The following CWC27 variants were observed in gnomAD, a reference collection of about 807,000 sequenced individuals.
CWC27 encodes spliceosome-associated protein CWC27 homolog.
CWC27 carries 47 observed loss-of-function variants against 63.6 expected under a neutral mutation model. The observed-to-expected ratio is 0.74, with a 90% CI of 0.58 to 0.94. The LOEUF (loss-of-function observed/expected upper bound fraction) is 0.94. Ranked by LOEUF, CWC27 falls within the 40% of genes least tolerant of loss-of-function variation. The probability of loss-of-function intolerance (pLI) is 0.00; values close to 1 mark genes in which losing one functional copy is unlikely to be tolerated. For synonymous variants in CWC27, 175 were observed against 179.8 expected, an observed-to-expected ratio of 0.97 and a Z score of 0.22; for missense variants, 495 against 554.3, an observed-to-expected ratio of 0.89 and a Z score of 1.07.
At chr5:65,014,601 T>C (rs1750018784) in intron 13 of CWC27, among the ~76,000 whole-genome samples, 2 of 152,096 alleles carry the variant, frequency 1.3e-5, no homozygotes, top group African/African-American at 2.4e-5. Flanking sequence ...GTGGATAGTA[T>C]TGAGTTATTG....
At chr5:64,856,409 G>T (rs935596612) in intron 10 of CWC27, among the ~76,000 whole-genome samples, 5 of 151,636 alleles carry the variant, frequency 3.3e-5, no homozygotes, top group Non-Finnish European at 5.9e-5. Flanking sequence ...TTTATATTTT[G>T]AGAGTTGTTA....
rs983490558 is a variant in CWC27, at chr5:64,999,367, C to G, written c.1257-18792C>G. Among the ~76,000 whole-genome samples the G allele has an allele frequency of 8.5e-5, 13 of 152,156 alleles. 1 individual carries two copies. The highest frequency in any genetic ancestry group is 6.8e-3 in the Middle Eastern group (2 of 294). ...TTATGTTGGGAACTTTTGAACTCTTCTAGCTATTTTAAAATATACAATAAA... is the reference window on the plus strand; with the variant it reads ...TTATGTTGGGAACTTTTGAACTCTTGTAGCTATTTTAAAATATACAATAAA... On this transcript the variant is annotated intron_variant, in intron 13 of 13. Coordinates refer to ENST00000381070, the MANE Select transcript of CWC27 (RefSeq NM_005869.4).
intron 13 of CWC27, among the ~76,000 whole-genome samples, chr5:64,983,393 G>T (rs1045660456): frequency 2.6e-5 from 4 of 152,026 alleles, no homozygotes; most frequent in African/African-American, 7.2e-5. Context: ...CTCATGAGGG[G>T]ATAAGAATGA....
At chr5:64,914,389 G>A (rs1398875392) in intron 11 of CWC27, among the ~76,000 whole-genome samples, 2 of 152,084 alleles carry the variant, frequency 1.3e-5, no homozygotes, top group Non-Finnish European at 2.9e-5. Context: ...AATGGGAAAG[G>A]AAATATACAG....
chr5:64,785,292 G>T (rs1464304918), intron 4 of CWC27, among the ~76,000 whole-genome samples, 189 bp from the exon 5 acceptor site: 1 of 152,024 alleles, frequency 6.6e-6, no homozygotes, highest in Non-Finnish European at 1.5e-5. Context: ...CTTATTGGGG[G>T]ATTGAACTCC....
chr5:64,861,601 T>C (rs901359292), intron 10 of CWC27, among the ~76,000 whole-genome samples: 7 of 152,232 alleles, frequency 4.6e-5, no homozygotes, highest in African/African-American at 1.7e-4. Flanking sequence ...CATTTTTATA[T>C]ATGCTTTTTC....
intron 11 of CWC27, among the ~76,000 whole-genome samples, chr5:64,931,722 A>C (rs1329972242): frequency 6.6e-6 from 1 of 152,032 alleles, no homozygotes; most frequent in Admixed American, 6.6e-5. Flanking sequence ...ATGTGTATAT[A>C]GCCACTAAAA....
chr5:64,887,057 TAAATA>T (rs1195592822), intron 11 of CWC27, among the ~76,000 whole-genome samples: 1 of 152,094 alleles, frequency 6.6e-6, no homozygotes, highest in Non-Finnish European at 1.5e-5. Context: ...ATATAAAACT[TAAATA>T]TTTTATTTGC....
intron 10 of CWC27, among the ~76,000 whole-genome samples, chr5:64,856,095 C>T (rs918159907): frequency 3.3e-5 from 5 of 151,996 alleles, no homozygotes; most frequent in Non-Finnish European, 7.4e-5. Flanking sequence ...TTTAAGATGA[C>T]TACAAACTCC....
intron 8 of CWC27, among the ~76,000 whole-genome samples, chr5:64,800,653 C>G (rs1238636870): frequency 1.3e-5 from 2 of 152,132 alleles, no homozygotes; most frequent in Non-Finnish European, 2.9e-5. Context: ...TTCCTTGAAG[C>G]ATTTTTGCCT....
chr5:64,826,428 G>A (rs939216153), intron 10 of CWC27, among the ~76,000 whole-genome samples: 33 of 152,180 alleles, frequency 2.2e-4, no homozygotes, highest in Middle Eastern at 6.8e-3. Context: ...GTGAATCTTG[G>A]TGTATGTTCC....
intron 7 of CWC27, among the ~76,000 whole-genome samples, chr5:64,791,460 T>C (rs1031390672): frequency 1.4e-4 from 22 of 152,138 alleles, no homozygotes; most frequent in African/African-American, 5.3e-4. Flanking sequence ...CTGTCTTTTT[T>C]TTTTTCTTTC....
At chr5:64,862,472 A>G (rs540862017) in intron 10 of CWC27, among the ~76,000 whole-genome samples, 1 of 152,322 alleles carries the variant, frequency 6.6e-6, no homozygotes, top group African/African-American at 2.4e-5. Flanking sequence ...CAACACAGAA[A>G]TAAATTACAG....
chr5:64,975,034 A>G (rs1408189593), intron 12 of CWC27, among the ~76,000 whole-genome samples: 1 of 152,248 alleles, frequency 6.6e-6, no homozygotes, highest in Non-Finnish European at 1.5e-5. Context: ...CAGAATGCCT[A>G]TGATGACATT....
chr5:64,804,676 G>T (rs150782760), intron 10 of CWC27: 1 of 220,590 alleles, frequency 4.5e-6, no homozygotes, highest in East Asian at 8.9e-5. Flanking sequence ...TTAGCTAGAT[G>T]TGGAAGAATG....
chr5:64,875,930 A>G (rs975476754), intron 10 of CWC27, among the ~76,000 whole-genome samples: 1 of 152,118 alleles, frequency 6.6e-6, no homozygotes, highest in Non-Finnish European at 1.5e-5. Flanking sequence ...TAAGTATGCT[A>G]AATAATTTCC....
intron 11 of CWC27, among the ~76,000 whole-genome samples, chr5:64,971,446 A>G (rs980578005): frequency 6.6e-6 from 1 of 152,224 alleles, no homozygotes; most frequent in Non-Finnish European, 1.5e-5. Context: ...TTAAATAAGG[A>G]CATGTGAGAA....
At chr5:64,918,123 A>C (rs1747926360) in intron 11 of CWC27, among the ~76,000 whole-genome samples, 1 of 152,162 alleles carries the variant, frequency 6.6e-6, no homozygotes, top group Non-Finnish European at 1.5e-5. Context: ...GTCTTCAAAA[A>C]ATATAGACAC....
At chr5:65,002,933 A>G (rs1270663881) in intron 13 of CWC27, among the ~76,000 whole-genome samples, 1 of 152,170 alleles carries the variant, frequency 6.6e-6, no homozygotes, top group South Asian at 2.1e-4. Context: ...TTCCCTTTAG[A>G]TCTAATAATA....
Sources: allele counts gnomAD v4.1 joint callset (sites outside exome capture counted in the v4.1 genomes callset), GRCh38; gene constraint gnomAD v4.1.1; transcripts MANE v1.5; gene names NCBI Gene and HGNC (gene_info 2026-07-23, HGNC 2026-07-21).